STOX2: variants seen among roughly 807,000 people sequenced by gnomAD.
STOX2 encodes storkhead box 2.
Under a neutral mutation model 60.9 loss-of-function variants are expected in STOX2, and 28 were observed. The observed-to-expected ratio is 0.46, with a 90% CI of 0.34 to 0.63. The LOEUF is 0.63. Among genes scored for constraint, STOX2 ranks in the 30% least tolerant of loss-of-function variants. STOX2 has a pLI of 0.01. For synonymous variants in STOX2, 472 were observed against 463.9 expected (o/e 1.02, Z -0.22); for missense variants, 1,024 against 1,187.7 (o/e 0.86, Z 2.03).
intron 1 of STOX2, among the ~76,000 whole-genome samples, chr4:183,982,981 T>C (rs997839134): frequency 1.3e-5 from 2 of 152,222 alleles, no homozygotes; most frequent in Admixed American, 1.3e-4. Flanking sequence ...TCTCCAGGTA[T>C]TTAATGTTAT....
chr4:183,860,787 A>C (rs2111153598), intron 1 of STOX2, among the ~76,000 whole-genome samples: 1 of 152,178 alleles, frequency 6.6e-6, no homozygotes, highest in South Asian at 2.1e-4. Flanking sequence ...TTTATGAAAA[A>C]CCCCCTGTAT....
rs373509254 is a variant in STOX2, at chr4:183,852,846, A to G, written c.364+54791A>G. Among the ~76,000 whole-genome samples, 99 of 152,350 alleles carry G rather than the reference A, an allele frequency of 6.5e-4. 2 individuals carry two copies. In the South Asian group the frequency reaches 0.019, roughly 30 times the overall value. On this transcript the variant is annotated intron_variant, in intron 1 of 2. Coordinates refer to the STOX2 transcript ENST00000513034. ...AATCTATAAGTTCCTGATGGTCAAA[A>G]TGGTCAAGTTGTTATTCACACTTGT...
intron 1 of STOX2, among the ~76,000 whole-genome samples, chr4:183,805,787 T>G (rs1314581654): frequency 1.3e-5 from 2 of 152,212 alleles, no homozygotes; most frequent in Non-Finnish European, 2.9e-5. Flanking sequence ...CAGTCTAGCG[T>G]GGGTGACAGA....
At chr4:183,908,858 G>A (rs1269451029) in intron 1 of STOX2, among the ~76,000 whole-genome samples, 3 of 152,164 alleles carry the variant, frequency 2.0e-5, no homozygotes, top group Non-Finnish European at 4.4e-5. Context: ...TGAGAAACCT[G>A]AAGACCAAAA....
chr4:183,981,893 G>A (rs1176958141), intron 1 of STOX2, among the ~76,000 whole-genome samples: 2 of 152,200 alleles, frequency 1.3e-5, no homozygotes, highest in African/African-American at 4.8e-5. Flanking sequence ...AGCCAAGATT[G>A]CACCAGTGCA....
Position 184,001,534 on chromosome 4 carries a change from GAC to G in STOX2, c.319+58_319+59del. ...TGGCGGTGTGCTGTGGTCGCTCTAG[GAC>G]TCACGTGGACTGTTCTGCCCATGTT... On this transcript the variant is annotated intron_variant, in intron 2 of 3. Coordinates refer to ENST00000308497, the MANE Select transcript of STOX2 (RefSeq NM_020225.3). The surrounding 1 kb of genome is among the most constrained non-coding windows in gnomAD (Gnocchi z 4.2). The G allele has an allele frequency of 6.5e-7, 1 of 1,531,346 alleles. No individual in the cohort carries two copies. Among genetic ancestry groups the G allele is most frequent in the Non-Finnish European group, 9.0e-7 (1 of 1,115,816 alleles). The allele number at this position is 1,531,346 out of a possible 1,614,324, so 94.9% of individuals were successfully genotyped here.
intron 1 of STOX2, among the ~76,000 whole-genome samples, chr4:183,924,807 CA>C (rs1288324687): frequency 6.6e-6 from 1 of 152,010 alleles, no homozygotes; most frequent in African/African-American, 2.4e-5. Flanking sequence ...TACCTTGAAG[CA>C]GGAAGTTGGC....
intron 1 of STOX2, among the ~76,000 whole-genome samples, chr4:183,979,481 G>C (rs1318658483): frequency 2.6e-5 from 4 of 152,086 alleles, no homozygotes; most frequent in African/African-American, 9.7e-5. Flanking sequence ...TGATTAACCA[G>C]ATCAGTACTG....
intron 1 of STOX2, among the ~76,000 whole-genome samples, chr4:183,972,455 CT>C (rs1743772825): frequency 6.6e-6 from 1 of 152,188 alleles, no homozygotes; most frequent in Admixed American, 6.5e-5. Context: ...CGCTTCTGAG[CT>C]GTGCATGTTT....
chr4:184,008,350 T>C (rs1226909925), intron 2 of STOX2, among the ~76,000 whole-genome samples: 3 of 152,198 alleles, frequency 2.0e-5, no homozygotes, highest in African/African-American at 7.2e-5. Context: ...CAATTATCAA[T>C]CATACAAAGA....
intron 1 of STOX2, among the ~76,000 whole-genome samples, chr4:183,995,291 C>CTTTTTTTTT (rs61681165): frequency 5.0e-5 from 4 of 79,448 alleles, no homozygotes; most frequent in African/African-American, 1.2e-4. Context: ...TTATTTTAGT[C>CTTTTTTTTT]TTTTTTTTTT....
chr4:183,866,693 A>G (rs1317509812), intron 1 of STOX2, among the ~76,000 whole-genome samples: 1 of 152,154 alleles, frequency 6.6e-6, no homozygotes, highest in Non-Finnish European at 1.5e-5. Flanking sequence ...AGTGTTTCTA[A>G]AACTTCAACA....
At chr4:183,809,777 A>G (rs897656647) in intron 1 of STOX2, among the ~76,000 whole-genome samples, 3 of 152,234 alleles carry the variant, frequency 2.0e-5, no homozygotes, top group East Asian at 1.9e-4. Flanking sequence ...TTGACTTTCT[A>G]GAAGCCAAAA....
At chr4:183,859,044 T>A (rs1187244759) in intron 1 of STOX2, among the ~76,000 whole-genome samples, 3 of 152,200 alleles carry the variant, frequency 2.0e-5, no homozygotes, top group South Asian at 4.1e-4. Context: ...GGAAAGGTTT[T>A]ATGCCTTTCT....
At chr4:183,969,515 G>A (rs902299236) in intron 1 of STOX2, among the ~76,000 whole-genome samples, 1 of 151,986 alleles carries the variant, frequency 6.6e-6, no homozygotes, top group African/African-American at 2.4e-5. Flanking sequence ...CCACCCTCCC[G>A]CCTCAGCCTC....
intron 1 of STOX2, among the ~76,000 whole-genome samples, chr4:183,889,137 C>T (rs1741149543): frequency 2.6e-5 from 4 of 151,918 alleles, no homozygotes; most frequent in Admixed American, 2.0e-4. Flanking sequence ...CTGCATCCCT[C>T]ACAGATTCAT....
chr4:183,906,404 A>C lies in STOX2; in HGVS notation c.-387A>C. 3 of 166,848 alleles carry C rather than the reference A, an allele frequency of 1.8e-5. No homozygotes were observed. Among genetic ancestry groups the C allele is most frequent in the Non-Finnish European group, 3.8e-5 (3 of 78,524 alleles). The allele number at this position is 166,848 out of a possible 1,614,324, so 10.3% of individuals were successfully genotyped here. On this transcript the variant is annotated 5_prime_UTR_variant, in exon 1 of 4. Transcript: ENST00000308497. Reference sequence around the variant, plus strand: ...AGTTGGCCAAGCACTCCTGCGCTGAATCGGGCCATTGTCTGCGCTCCCATT... The same window carrying C: ...AGTTGGCCAAGCACTCCTGCGCTGACTCGGGCCATTGTCTGCGCTCCCATT...
At chr4:183,808,617 G>A (rs1037057318) in intron 1 of STOX2, among the ~76,000 whole-genome samples, 2 of 152,200 alleles carry the variant, frequency 1.3e-5, no homozygotes, top group African/African-American at 2.4e-5. Flanking sequence ...TATAGGAAAT[G>A]CAGTAATGTA....
chr4:183,846,550 A>G (rs1031961409), intron 1 of STOX2, among the ~76,000 whole-genome samples: 2 of 152,126 alleles, frequency 1.3e-5, no homozygotes, highest in Admixed American at 6.5e-5. Context: ...CTGCTATTGA[A>G]CACTGAAGTT....
Sources: allele counts gnomAD v4.1 joint callset (sites outside exome capture counted in the v4.1 genomes callset), GRCh38; gene constraint gnomAD v4.1.1; non-coding constraint Gnocchi (gnomAD v3.1); transcripts MANE v1.5; gene names NCBI Gene and HGNC (gene_info 2026-07-23, HGNC 2026-07-21).